ULK4: variants seen among roughly 807,000 people sequenced by gnomAD.
ULK4 encodes unc-51 like kinase 4.
A neutral mutation model predicts 160.6 loss-of-function variants in ULK4; 133 were observed. That is an observed-to-expected ratio of 0.83 (90% CI 0.72 to 0.96). The LOEUF (loss-of-function observed/expected upper bound fraction) is 0.96, where lower values mean the gene tolerates loss of function less well. Among genes scored for constraint, ULK4 ranks in the 40% least tolerant of loss-of-function variants. The pLI, the probability that ULK4 is intolerant of heterozygous loss-of-function variation, is 0.00. For missense variants in ULK4, 1,580 were observed against 1,499.5 expected (o/e 1.05, Z -0.89); for synonymous variants, 534 against 539.8 (o/e 0.99, Z 0.15).
chr3:41,633,740 G>A (rs983253316), intron 30 of ULK4, among the ~76,000 whole-genome samples: 11 of 152,068 alleles, frequency 7.2e-5, no homozygotes. Context: ...TATTAATGAA[G>A]TCATATCAAT....
intron 34 of ULK4, among the ~76,000 whole-genome samples, chr3:41,431,391 T>G (rs983966835): frequency 4.9e-5 from 7 of 144,230 alleles, no homozygotes; most frequent in African/African-American, 1.9e-4. Flanking sequence ...ATAATAATAA[T>G]AATAATACCC....
intron 31 of ULK4, among the ~76,000 whole-genome samples, chr3:41,574,665 C>T (rs1197381606): frequency 6.6e-6 from 1 of 151,356 alleles, no homozygotes; most frequent in Non-Finnish European, 1.5e-5. Context: ...CCTCAGCCTC[C>T]CAAGTAGCTG....
intron 18 of ULK4, among the ~76,000 whole-genome samples, chr3:41,819,997 G>A (rs373797858): frequency 1.1e-4 from 17 of 152,186 alleles, no homozygotes; most frequent in African/African-American, 3.6e-4. Context: ...AAATAAGCGG[G>A]TACACTGATT....
chr3:41,298,646 G>C (rs1038474037), intron 35 of ULK4, among the ~76,000 whole-genome samples: 3 of 152,192 alleles, frequency 2.0e-5, no homozygotes, highest in Non-Finnish European at 4.4e-5. Context: ...TGTGTATGAG[G>C]AAAGTGATAA....
intron 31 of ULK4, among the ~76,000 whole-genome samples, chr3:41,584,438 C>T (rs1429796717): frequency 6.6e-6 from 1 of 152,058 alleles, no homozygotes. Context: ...ACCATAGGTG[C>T]ATGCCACTAT....
intron 32 of ULK4, among the ~76,000 whole-genome samples, chr3:41,548,049 C>G (rs924609525): frequency 1.3e-4 from 20 of 152,134 alleles, no homozygotes; most frequent in African/African-American, 4.6e-4. Flanking sequence ...GCCTAGGGAC[C>G]AGCCCTTTAG....
At chr3:41,856,633 A>G (rs113131383) in intron 17 of ULK4, among the ~76,000 whole-genome samples, 1,875 of 122,116 alleles carry the variant, frequency 0.015, 15 homozygotes, top group Middle Eastern at 0.039. Flanking sequence ...ATATATATGT[A>G]TATATATGTA....
intron 31 of ULK4, among the ~76,000 whole-genome samples, chr3:41,588,127 G>A (rs1417883405): frequency 1.3e-5 from 2 of 152,016 alleles, no homozygotes; most frequent in African/African-American, 4.8e-5. Flanking sequence ...TGCCACAATA[G>A]AACTGCAAAC....
chr3:41,420,475 C>CTTGTTTTTTTTTTTTTTTTTTTTTT (rs2082636299), intron 34 of ULK4, among the ~76,000 whole-genome samples: 1 of 41,178 alleles, frequency 2.4e-5, no homozygotes, highest in Non-Finnish European at 4.1e-5. Flanking sequence ...CCAGTTCTTT[C>CTTGTTTTTTTTTTTTTTTTTTTTTT]TTTTTTTTTT....
intron 30 of ULK4, among the ~76,000 whole-genome samples, chr3:41,644,586 T>C (rs1324906568): frequency 6.6e-6 from 1 of 152,214 alleles, no homozygotes; most frequent in Non-Finnish European, 1.5e-5. Flanking sequence ...GCTGCTGGAT[T>C]CGGTTTGCCA....
Position 41,431,547 on chromosome 3 carries a change from C to CCTTTTTTGTTTTTT in ULK4, c.3492+23949_3492+23950insAAAAAACAAAAAAG, listed in dbSNP as rs563543377. On this transcript the variant is annotated intron_variant, in intron 34 of 36. Coordinates refer to ENST00000301831, the MANE Select transcript of ULK4 (RefSeq NM_017886.4). Reference sequence around the variant, plus strand: ...CCTGTGAGGTGTTGTAATTCCCTCCCTTTTTTTTTTTTTTTGATGTGGAAA... The same window carrying CCTTTTTTGTTTTTT: ...CCTGTGAGGTGTTGTAATTCCCTCCCCTTTTTTGTTTTTTTTTTTTTTTTTTTTTGATGTGGAAA... Among the ~76,000 whole-genome samples, 2 of 95,854 alleles carry CCTTTTTTGTTTTTT rather than the reference C, an allele frequency of 2.1e-5. 1 individual carries two copies. Among genetic ancestry groups the CCTTTTTTGTTTTTT allele is most frequent in the Non-Finnish European group, 4.0e-5 (2 of 49,618 alleles). The allele number at this position is 95,854 out of a possible 152,430, so 62.9% of individuals were successfully genotyped here. A position where few individuals can be genotyped will look rare whatever the true frequency, so the allele number is the denominator to read the frequency against.
intron 30 of ULK4, among the ~76,000 whole-genome samples, chr3:41,660,079 CG>C (rs747734512): frequency 3.4e-4 from 51 of 152,202 alleles, no homozygotes; most frequent in Non-Finnish European, 5.7e-4. Flanking sequence ...CACCTGAGGT[CG>C]GGAGTTCGAG....
rs1284457276 is a variant in ULK4, at chr3:41,721,158, A to T, written c.2322-3297T>A. Among the ~76,000 whole-genome samples, 7 of 150,916 alleles carry T rather than the reference A, an allele frequency of 4.6e-5. No homozygotes were observed. The East Asian group carries it at 7.8e-4, about 17-fold the overall frequency. ...CATATTCATATTTGCTTAGATTTTT[A>T]AAAAATCCAGAGGGATAAATAAGCT... On this transcript the variant is annotated intron_variant, in intron 22 of 36. Transcript: ENST00000301831.
intron 30 of ULK4, among the ~76,000 whole-genome samples, chr3:41,630,448 G>C (rs548507189): frequency 6.6e-6 from 1 of 151,974 alleles, no homozygotes; most frequent in East Asian, 1.9e-4. Flanking sequence ...CTAAACCAGC[G>C]AGTGAGGATC....
At chr3:41,828,893 C>T (rs1163228120) in intron 18 of ULK4, among the ~76,000 whole-genome samples, 1 of 152,022 alleles carries the variant, frequency 6.6e-6, no homozygotes, top group Non-Finnish European at 1.5e-5. Context: ...TGACTTCAAA[C>T]TATACTACAA....
At position 41,910,004 on chromosome 3, in the gene ULK4, C is replaced by T. The variant is rs150225282; in HGVS notation, c.1085+1313G>A. Among the ~76,000 whole-genome samples the T allele has an allele frequency of 6.9e-3, 1,052 of 152,210 alleles. 11 individuals are homozygous for T. The highest frequency in any genetic ancestry group is 0.024 in the African/African-American group (996 of 41,560). On this transcript the variant is annotated intron_variant, in intron 11 of 36. Transcript: ENST00000301831. Reference sequence around the variant, plus strand: ...CTCCACCACCCGGGTTCAAGTGATCCTCCTGCCTCAGCCTCCTAAGTAGCT... The same window carrying T: ...CTCCACCACCCGGGTTCAAGTGATCTTCCTGCCTCAGCCTCCTAAGTAGCT...
intron 34 of ULK4, among the ~76,000 whole-genome samples, chr3:41,434,858 A>G (rs1419412983): frequency 6.6e-6 from 1 of 152,220 alleles, no homozygotes; most frequent in African/African-American, 2.4e-5. Flanking sequence ...TTTTAAAATA[A>G]CCTACAGAAA....
intron 17 of ULK4, among the ~76,000 whole-genome samples, chr3:41,860,155 G>T (rs79748650): frequency 0.023 from 3,557 of 152,174 alleles, 59 homozygotes; most frequent in Non-Finnish European, 0.037. Flanking sequence ...CTAAAATGTG[G>T]TCTAACCTTG....
chr3:41,322,960 G>C (rs1470791380), intron 35 of ULK4, among the ~76,000 whole-genome samples: 2 of 151,088 alleles, frequency 1.3e-5, no homozygotes, highest in East Asian at 1.9e-4. Flanking sequence ...TTTTTGAGAC[G>C]GAGTTTTGCT....
Sources: allele counts gnomAD v4.1 joint callset (sites outside exome capture counted in the v4.1 genomes callset), GRCh38; gene constraint gnomAD v4.1.1; transcripts MANE v1.5; gene names NCBI Gene and HGNC (gene_info 2026-07-23, HGNC 2026-07-21).